The following PTPRT variants were observed in gnomAD, a reference collection of about 807,000 sequenced individuals.
PTPRT encodes the protein receptor-type tyrosine-protein phosphatase T.
PTPRT carries 56 observed loss-of-function variants against 176.8 expected under a neutral mutation model. The ratio of observed to expected loss-of-function variants is 0.32; its 90% CI spans 0.26 to 0.40. PTPRT has a LOEUF of 0.40. Among genes scored for constraint, PTPRT ranks in the 10% least tolerant of loss-of-function variants. The probability of loss-of-function intolerance (pLI) is 1.00; values close to 1 mark genes in which losing one functional copy is unlikely to be tolerated. For synonymous variants in PTPRT, 783 were observed against 739.0 expected, an observed-to-expected ratio of 1.06 and a Z score of -0.96; for missense variants, 1,540 against 1,908.2, an observed-to-expected ratio of 0.81 and a Z score of 3.60.
chr20:42,146,008 C>T (rs983355159), intron 17 of PTPRT, among the ~76,000 whole-genome samples: 3 of 152,148 alleles, frequency 2.0e-5, no homozygotes, highest in Admixed American at 6.5e-5. Flanking sequence ...TTCTCCTTTT[C>T]GTATTTCTCT....
intron 1 of PTPRT, among the ~76,000 whole-genome samples, chr20:43,080,775 T>C (rs2011419240): frequency 6.6e-6 from 1 of 152,208 alleles, no homozygotes; most frequent in Admixed American, 6.5e-5. Flanking sequence ...TTAGAGATTC[T>C]CACATTCTTT....
chr20:42,686,738 C>G (rs184985743), intron 6 of PTPRT, among the ~76,000 whole-genome samples: 1 of 151,820 alleles, frequency 6.6e-6, no homozygotes. Context: ...GTGATCCATC[C>G]GCCTCAGTGT....
intron 1 of PTPRT, among the ~76,000 whole-genome samples, chr20:42,934,375 C>T (rs941565456): frequency 3.9e-5 from 6 of 152,322 alleles, no homozygotes; most frequent in South Asian, 2.1e-4. Flanking sequence ...TTAGCTACTG[C>T]TGCATAACAA....
chr20:42,833,179 G>A (rs186402850), intron 2 of PTPRT, among the ~76,000 whole-genome samples: 1 of 151,258 alleles, frequency 6.6e-6, no homozygotes, highest in East Asian at 2.0e-4. Context: ...TGATAACAAA[G>A]TTGTAAATTG....
At chr20:42,108,422 A>ACTCAT (rs1986686547) in intron 23 of PTPRT, among the ~76,000 whole-genome samples, 1 of 142,872 alleles carries the variant, frequency 7.0e-6, no homozygotes, top group African/African-American at 3.0e-5. Flanking sequence ...TAAAATACTC[A>ACTCAT]CTCATCTATA....
intron 1 of PTPRT, among the ~76,000 whole-genome samples, chr20:42,992,974 C>CA (rs1984006805): frequency 6.6e-6 from 1 of 152,108 alleles, no homozygotes; most frequent in African/African-American, 2.4e-5. Flanking sequence ...AAGAGAACAA[C>CA]AGTTGCATAG....
intron 2 of PTPRT, among the ~76,000 whole-genome samples, chr20:42,872,070 T>C (rs1179641785): frequency 6.6e-6 from 1 of 152,214 alleles, no homozygotes; most frequent in Non-Finnish European, 1.5e-5. Flanking sequence ...AAAGTGCAAT[T>C]TGGGTTTCTT....
chr20:42,699,772 C>T (rs774644965), intron 6 of PTPRT, among the ~76,000 whole-genome samples: 2 of 152,198 alleles, frequency 1.3e-5, no homozygotes, highest in African/African-American at 2.4e-5. Context: ...TTGCACTCCT[C>T]ACTACGCCAA....
At chr20:42,904,619 T>C (rs180832923) in intron 1 of PTPRT, among the ~76,000 whole-genome samples, 6 of 152,280 alleles carry the variant, frequency 3.9e-5, no homozygotes, top group African/African-American at 1.4e-4. Flanking sequence ...GGTGGGTCCC[T>C]GGCTAGGGCT....
intron 1 of PTPRT, among the ~76,000 whole-genome samples, chr20:42,982,945 G>C (rs577590496): frequency 6.6e-6 from 1 of 152,254 alleles, no homozygotes; most frequent in East Asian, 1.9e-4. Context: ...CATACCTTAC[G>C]GGCATTAGAC....
chr20:42,298,856 G>A (rs1018689844), intron 12 of PTPRT, among the ~76,000 whole-genome samples: 8 of 152,078 alleles, frequency 5.3e-5, no homozygotes, highest in African/African-American at 1.9e-4. Context: ...AGGAGGGGGA[G>A]GTTGCAGTTG....
intron 1 of PTPRT, among the ~76,000 whole-genome samples, chr20:42,991,153 G>A (rs1036702405): frequency 4.6e-5 from 7 of 152,162 alleles, no homozygotes; most frequent in Non-Finnish European, 8.8e-5. Context: ...ACCAGGCTGA[G>A]TTAAGGGTTG....
chr20:42,463,139 T>C (rs1314962101), intron 8 of PTPRT, among the ~76,000 whole-genome samples: 1 of 152,128 alleles, frequency 6.6e-6, no homozygotes, highest in Non-Finnish European at 1.5e-5. Context: ...AAGATGTCCT[T>C]TGCAAGGAGA....
At chr20:42,601,213 C>T (rs754492096) in intron 7 of PTPRT, among the ~76,000 whole-genome samples, 6 of 152,180 alleles carry the variant, frequency 3.9e-5, no homozygotes, top group Non-Finnish European at 8.8e-5. Flanking sequence ...GACCCCCTTT[C>T]AGAATGAAAT....
chr20:43,156,860 T>C (rs1223503884), intron 1 of PTPRT, among the ~76,000 whole-genome samples: 1 of 152,194 alleles, frequency 6.6e-6, no homozygotes, highest in Non-Finnish European at 1.5e-5. Flanking sequence ...GAGAGCTCTT[T>C]GTTGAACATT....
chr20:42,081,026 G>T lies in PTPRT; in HGVS notation c.4273-94C>A, dbSNP rs1281563328. 10 of 1,070,078 alleles carry T rather than the reference G, an allele frequency of 9.3e-6. 1 individual carries two copies. The Admixed American group carries it at 1.7e-4, about 18-fold the overall frequency. 66.3% of individuals were successfully genotyped at this position (1,070,078 alleles called of 1,614,324 possible). On this transcript the variant is annotated intron_variant, in intron 30 of 30. Transcript: ENST00000373187. ...AAAATGCATTTAGTTTAGAGATACA[G>T]ATTTTGGAGAAAACTTTTTCTATAT... is the stretch of plus-strand genomic sequence containing the variant.
Position 42,074,750 on chromosome 20 carries a change from G to A in PTPRT, c.*6129C>T, listed in dbSNP as rs2146052005. On this transcript the variant is annotated 3_prime_UTR_variant, in exon 31 of 31. Coordinates refer to ENST00000373187, the MANE Select transcript of PTPRT (RefSeq NM_007050.6). ...TAACATTCATGAGTGGATTTCAGTT[G>A]GTGAATGCCCTTTGATGACCTTTTC... is the stretch of plus-strand genomic sequence containing the variant. The A allele has an allele frequency of 2.5e-6, 1 of 398,584 alleles. No individual in the cohort carries two copies. The highest frequency in any genetic ancestry group is 4.4e-6 in the Non-Finnish European group (1 of 226,070). The allele number at this position is 398,584 out of a possible 1,614,324, so 24.7% of individuals were successfully genotyped here. A position where few individuals can be genotyped will look rare whatever the true frequency, so the allele number is the denominator to read the frequency against.
intron 1 of PTPRT, chr20:43,063,331 T>C (rs1568761719): frequency 6.6e-6 from 1 of 152,220 alleles, no homozygotes; most frequent in Non-Finnish European, 1.5e-5. Flanking sequence ...CTTCGGGATG[T>C]GAGGGCAATC....
At chr20:42,245,976 GT>G (rs1187630950) in intron 14 of PTPRT, among the ~76,000 whole-genome samples, 2 of 152,210 alleles carry the variant, frequency 1.3e-5, no homozygotes, top group Admixed American at 6.5e-5. Context: ...AGCACTGTAG[GT>G]GATGATAGGA....
Sources: gnomAD v4.1 joint callset for allele counts (sites outside exome capture counted in the v4.1 genomes callset) on GRCh38, gnomAD v4.1.1 for gene constraint, MANE v1.5 for transcripts, NCBI Gene and HGNC (gene_info 2026-07-23, HGNC 2026-07-21) for gene names.